Variants in CLASRP observed in about 807,000 individuals in gnomAD.
The protein encoded by CLASRP is CLK4-associating serine/arginine rich protein.
A neutral mutation model predicts 99.9 loss-of-function variants in CLASRP; 52 were observed. That is an observed-to-expected ratio of 0.52 (90% confidence interval 0.42 to 0.66). The LOEUF (loss-of-function observed/expected upper bound fraction) is 0.66, where lower values mean the gene tolerates loss of function less well. Ranked by LOEUF, CLASRP falls within the 30% of genes least tolerant of loss-of-function variation. CLASRP has a pLI of 0.00. For missense variants in CLASRP, 848 were observed against 999.2 expected, an observed-to-expected ratio of 0.85 and a Z score of 2.04; for synonymous variants, 379 against 373.0, an observed-to-expected ratio of 1.02 and a Z score of -0.18.
chr19:45,046,854 G>A lies in CLASRP; in HGVS notation c.100-5217G>A, dbSNP rs572735039. ...ACCAGCCTGACCAACATGGAGAAAC[G>A]TCATCTCTACTAAAAATACAAAATT... On this transcript the variant is annotated intron_variant, in intron 2 of 20. Transcript: ENST00000221455. Among the ~76,000 whole-genome samples, 8 of 152,208 alleles carry A rather than the reference G, an allele frequency of 5.3e-5. No homozygotes were observed. In the East Asian group the frequency reaches 7.7e-4, roughly 15 times the overall value.
Position 45,067,772 on chromosome 19 carries a change from G to A in CLASRP, c.1667+178G>A, listed in dbSNP as rs1967127241. Among the ~76,000 whole-genome samples the A allele has an allele frequency of 6.6e-6, 1 of 152,182 alleles. No individual in the cohort carries two copies. The highest frequency in any genetic ancestry group is 2.4e-5 in the African/African-American group (1 of 41,438). On this transcript the variant is annotated intron_variant, in intron 14 of 20. Transcript: ENST00000221455. This position sits in a 1 kb window ranked among gnomAD's most constrained non-coding sequence, Gnocchi z 4.9. ...CACAGCCCTGGCCTGGGGGGTCTGAGGAGGACACACCAAATCCTGGAGGAT... is the reference window on the plus strand; with the variant it reads ...CACAGCCCTGGCCTGGGGGGTCTGAAGAGGACACACCAAATCCTGGAGGAT...
chr19:45,042,942 A>G (rs997103575), intron 2 of CLASRP, among the ~76,000 whole-genome samples: 1 of 152,190 alleles, frequency 6.6e-6, no homozygotes, highest in African/African-American at 2.4e-5. Flanking sequence ...AACTTTCTGC[A>G]TACTGACATG....
At position 45,060,666 on chromosome 19, in the gene CLASRP, G is replaced by T. The variant is rs750771920; in HGVS notation, c.863+39G>T. On this transcript the variant is annotated intron_variant, in intron 10 of 20. Transcript: ENST00000221455. The surrounding 1 kb of genome is among the most constrained non-coding windows in gnomAD (Gnocchi z 4.6). ...CTGAACCCCCACCCTGCTGGCATCT[G>T]GGGGAGGAGAGCAGGGGCTTAGGGC... The T allele has an allele frequency of 6.7e-7, 1 of 1,486,704 alleles. No individual in the cohort carries two copies. The highest frequency in any genetic ancestry group is 2.4e-5 in the East Asian group (1 of 41,782). 92.1% of individuals were successfully genotyped at this position (1,486,704 alleles called of 1,614,324 possible). A position where few individuals can be genotyped will look rare whatever the true frequency, so the allele number is the denominator to read the frequency against.
At chr19:45,058,933 C>T (rs1210989650) in intron 7 of CLASRP, among the ~76,000 whole-genome samples, 1 of 152,080 alleles carries the variant, frequency 6.6e-6, no homozygotes, top group Non-Finnish European at 1.5e-5. Context: ...TCCTTCCTTG[C>T]CTCCATTCCA....
chr19:45,067,271 C>G lies in CLASRP; in HGVS notation c.1410-66C>G. On this transcript the variant is annotated intron_variant, in intron 13 of 20. Coordinates refer to ENST00000221455, the MANE Select transcript of CLASRP (RefSeq NM_007056.3). The surrounding 1 kb of genome is among the most constrained non-coding windows in gnomAD (Gnocchi z 4.9). Reference sequence around the variant, plus strand: ...GGAAGGAGGACTGTGGATCCGGACCCAGGGTGGGGTGCGGTTGGGGTCCCT... The same window carrying G: ...GGAAGGAGGACTGTGGATCCGGACCGAGGGTGGGGTGCGGTTGGGGTCCCT... 6.9e-7 allele frequency: 1 copy of G among 1,440,758 alleles called. No individual in the cohort carries two copies. The allele number at this position is 1,440,758 out of a possible 1,614,324, so 89.2% of individuals were successfully genotyped here. A position where few individuals can be genotyped will look rare whatever the true frequency, so the allele number is the denominator to read the frequency against.
rs201577661 is a variant in CLASRP at position 45,068,476 on chromosome 19, G to A, written c.1764G>A (p.Arg588=). 165 of 1,610,176 alleles carry A rather than the reference G, an allele frequency of 1.0e-4. 1 individual carries two copies. In the Admixed American group the frequency reaches 2.2e-3, roughly 21 times the overall value. The change falls in exon 16 of 21, where the codon AGG becomes AGA. Residue 588 remains arginine (R), a synonymous_variant. Transcript: ENST00000221455. ...TGAGGATGCAGAAGGCGCTGAACAG[G>A]CAGTGTATGTTCTGCCCTGTCCCTC... The part of the protein sequence containing the change: ...LKLRMQKALN[R]QFKADKKAAQ...
At chr19:45,050,325 G>A (rs1054716093) in intron 2 of CLASRP, among the ~76,000 whole-genome samples, 3 of 152,194 alleles carry the variant, frequency 2.0e-5, no homozygotes, top group African/African-American at 7.2e-5. Context: ...TCAGGGAAAT[G>A]CCAGTCAGAA....
chr19:45,053,209 G>A, intron 5 of CLASRP, 32 bp downstream of exon 5: 1 of 1,610,336 alleles, frequency 6.2e-7, no homozygotes, highest in Non-Finnish European at 8.5e-7. Context: ...GTGGGGTGTG[G>A]GGTTTGAGCC....
In CLASRP at chr19:45,052,809, C is replaced by T. The variant is rs1477526925; in HGVS notation, c.216C>T (p.Asp72=). The T allele has an allele frequency of 6.2e-7, 1 of 1,612,610 alleles. No individual in the cohort carries two copies. Among genetic ancestry groups the T allele is most frequent in the South Asian group, 1.1e-5 (1 of 90,978 alleles). Reference sequence around the variant, plus strand: ...ACTTCAGGATGCCCTGGCAGGGGGACACCAACAACATGATTGACCGATTCG... The same window carrying T: ...ACTTCAGGATGCCCTGGCAGGGGGATACCAACAACATGATTGACCGATTCG... The part of the protein sequence containing the change: ...SPVNMMPWQG[D]TNNMIDRFDV... Residue 72 remains aspartate (D), a synonymous_variant, in exon 4 of 21, where the codon GAC becomes GAT. Coordinates refer to ENST00000221455, the MANE Select transcript of CLASRP (RefSeq NM_007056.3).
intron 2 of CLASRP, among the ~76,000 whole-genome samples, chr19:45,044,265 A>T (rs545843895): frequency 1.5e-4 from 23 of 152,360 alleles, no homozygotes; most frequent in African/African-American, 5.5e-4. Context: ...CAGGCCTGCG[A>T]GGTAGGTATT....
rs187519759 is a variant in CLASRP, at chr19:45,049,124, T to A, written c.100-2947T>A. ...CCAACAGAACCAGGCTCTGGACTCC[T>A]GGTGTTTACTCCCGGCTCAGTGCTT... On this transcript the variant is annotated intron_variant, in intron 2 of 20. Transcript: ENST00000221455. Among the ~76,000 whole-genome samples the A allele has an allele frequency of 3.7e-3, 565 of 152,314 alleles. 2 individuals carry two copies. The highest frequency in any genetic ancestry group is 0.013 in the African/African-American group (537 of 41,574).
Position 45,064,246 on chromosome 19 carries a change from G to T in CLASRP, c.1121+19G>T. On this transcript the variant is annotated intron_variant, in intron 12 of 20. Transcript: ENST00000221455. ...GCGCCCGGTCGGTAACGCTCACGCC[G>T]CCCGCCCTACGCCCCGGTCACCATG... The T allele has an allele frequency of 1.3e-6, 2 of 1,565,546 alleles. No homozygotes were observed. Among genetic ancestry groups the T allele is most frequent in the East Asian group, 4.7e-5 (2 of 42,922 alleles).
chr19:45,067,036 G>T lies in CLASRP; in HGVS notation c.1410-301G>T, dbSNP rs905988482. 6.6e-6 allele frequency among the ~76,000 whole-genome samples: 1 copy of T among 152,200 alleles called. No individual in the cohort carries two copies. The highest frequency in any genetic ancestry group is 1.5e-5 in the Non-Finnish European group (1 of 68,042). On this transcript the variant is annotated intron_variant, in intron 13 of 20. Transcript: ENST00000221455. This position sits in a 1 kb window ranked among gnomAD's most constrained non-coding sequence, Gnocchi z 4.9. ...GGGGGAGCCAGCCATCCCTCCCAGA[G>T]CTCACCTCCCGGGAAGTTAGCAAGC...
At chr19:45,068,174 G>A (rs75239542) in intron 15 of CLASRP, 120 bp downstream of exon 15, 21 of 854,500 alleles carry the variant, frequency 2.5e-5, no homozygotes, top group Middle Eastern at 3.2e-4. Context: ...CAGGGACAGG[G>A]AGGGGAGGGG....
At chr19:45,048,863 G>A (rs548897383) in intron 2 of CLASRP, among the ~76,000 whole-genome samples, 120 of 151,732 alleles carry the variant, frequency 7.9e-4, no homozygotes, top group Non-Finnish European at 1.6e-3. Flanking sequence ...GCGGGCACCT[G>A]TAATCCCAGC....
intron 2 of CLASRP, 103 bp from the exon 3 acceptor site, chr19:45,051,967 CA>C (rs371610388): frequency 0.049 from 28,813 of 593,054 alleles, no homozygotes; most frequent in South Asian, 0.071. Context: ...GGCTCCATCT[CA>C]AAAAAAAAAA....
intron 13 of CLASRP, among the ~76,000 whole-genome samples, chr19:45,065,039 AG>A (rs1967052377): frequency 6.6e-6 from 1 of 150,450 alleles, no homozygotes; most frequent in South Asian, 2.1e-4. Flanking sequence ...GCGGAGGGGG[AG>A]GGGCGCGTTC....
In CLASRP at chr19:45,052,875, C is replaced by G. The variant is rs141761715; in HGVS notation, c.282C>G (p.Pro94=). The G allele has an allele frequency of 5.0e-6, 8 of 1,610,448 alleles. No homozygotes were observed. Among genetic ancestry groups the G allele is most frequent in the Middle Eastern group, 1.7e-4 (1 of 6,010 alleles). ...TGGACCACATCCCCGACTACACCCC[C>G]CCTCTGCTCACCACCATGTAAGCCA... The part of the protein sequence containing the change: ...AHLDHIPDYT[P]PLLTTISPEQ... The change falls in exon 4 of 21, where the codon CCC becomes CCG. Residue 94 remains proline, a synonymous_variant. Transcript: ENST00000221455.
At chr19:45,065,388 CAAAAA>C (rs761472417) in intron 13 of CLASRP, among the ~76,000 whole-genome samples, 24 of 84,978 alleles carry the variant, frequency 2.8e-4, no homozygotes, top group African/African-American at 9.6e-4. Context: ...GATTCCGTCT[CAAAAA>C]AAAAAAAAAA....
Sources: gnomAD v4.1 joint callset for allele counts (sites outside exome capture counted in the v4.1 genomes callset) on GRCh38, gnomAD v4.1.1 for gene constraint, Gnocchi (gnomAD v3.1) non-coding constraint, MANE v1.5 for transcripts, NCBI Gene and HGNC (gene_info 2026-07-23, HGNC 2026-07-21) for gene names.